The following TCF12 variants were observed in gnomAD, a reference collection of about 807,000 sequenced individuals.
The protein encoded by TCF12 is transcription factor 12, also known as DNA-binding protein HTF4.
TCF12 carries 45 observed loss-of-function variants against 86.0 expected under a neutral mutation model. That is an observed-to-expected ratio of 0.52 (90% confidence interval 0.41 to 0.67). The LOEUF is 0.67. Among genes scored for constraint, TCF12 ranks in the 30% least tolerant of loss-of-function variants. The pLI, the probability that TCF12 is intolerant of heterozygous loss-of-function variation, is 0.00. For missense variants in TCF12, 881 were observed against 859.9 expected, an observed-to-expected ratio of 1.02 and a Z score of -0.31; for synonymous variants, 330 against 299.6, an observed-to-expected ratio of 1.10 and a Z score of -1.05.
chr15:56,929,768 A>G (rs190812199), intron 3 of TCF12, among the ~76,000 whole-genome samples: 16 of 152,256 alleles, frequency 1.1e-4, no homozygotes, highest in Admixed American at 9.8e-4. Flanking sequence ...TTAAAAAACC[A>G]CTACTACCAT....
rs2152128569 is a variant in TCF12, at chr15:57,281,262, C to T, written c.1979-1183C>T. Among the ~76,000 whole-genome samples, 2 of 152,276 alleles carry T rather than the reference C, an allele frequency of 1.3e-5. 1 individual carries two copies. The highest frequency in any genetic ancestry group is 4.1e-4 in the South Asian group (2 of 4,822). Reference sequence around the variant, plus strand: ...TTTGAAAATGCCCGTGTCACAGATCCCACGCAGTCTTGTTTGCTATCTTTT... The same window carrying T: ...TTTGAAAATGCCCGTGTCACAGATCTCACGCAGTCTTGTTTGCTATCTTTT... On this transcript the variant is annotated intron_variant, in intron 19 of 20. Coordinates refer to ENST00000333725, the MANE Select transcript of TCF12 (RefSeq NM_207037.2).
At chr15:57,254,582 A>C (rs1193431718) in intron 16 of TCF12, among the ~76,000 whole-genome samples, 1 of 152,036 alleles carries the variant, frequency 6.6e-6, no homozygotes, top group Non-Finnish European at 1.5e-5. Context: ...AAAATGGGGA[A>C]GTGTCAGATG....
intron 3 of TCF12, among the ~76,000 whole-genome samples, chr15:57,048,125 T>A (rs1022856472): frequency 1.3e-5 from 2 of 152,252 alleles, no homozygotes; most frequent in African/African-American, 4.8e-5. Context: ...ATTAAATTTC[T>A]AAAAATAACA....
At chr15:57,007,681 A>G (rs769101133) in intron 3 of TCF12, among the ~76,000 whole-genome samples, 4 of 152,276 alleles carry the variant, frequency 2.6e-5, no homozygotes, top group Admixed American at 1.3e-4. Flanking sequence ...GACTAATATG[A>G]TAAGTCTGAG....
chr15:57,247,584 C>A, intron 13 of TCF12: 1 of 854,068 alleles, frequency 1.2e-6, no homozygotes, highest in South Asian at 1.3e-5. Flanking sequence ...TCCATAACTT[C>A]TGCGGTTTCA....
chr15:57,069,290 G>A (rs1304787731), intron 4 of TCF12, among the ~76,000 whole-genome samples: 1 of 152,168 alleles, frequency 6.6e-6, no homozygotes, highest in Non-Finnish European at 1.5e-5. Context: ...GTGATCAAGA[G>A]TTGGCATTTT....
chr15:57,255,434 C>G (rs565008005), intron 16 of TCF12, among the ~76,000 whole-genome samples: 1 of 152,162 alleles, frequency 6.6e-6, no homozygotes, highest in African/African-American at 2.4e-5. Flanking sequence ...CTGCCCACTT[C>G]AGAACAACAA....
chr15:57,219,392 A>G (rs2058473262), intron 8 of TCF12: 2 of 1,330,726 alleles, frequency 1.5e-6, no homozygotes, highest in Non-Finnish European at 2.0e-6. Context: ...TATTTTGCAT[A>G]AGTTCCTTTT....
chr15:57,061,659 A>G (rs565211091), intron 3 of TCF12, among the ~76,000 whole-genome samples: 23 of 152,334 alleles, frequency 1.5e-4, no homozygotes, highest in South Asian at 1.2e-3. Flanking sequence ...GTCATTTGAT[A>G]TAAGAAAATA....
At chr15:57,240,282 G>A (rs774983609) in intron 12 of TCF12, among the ~76,000 whole-genome samples, 2 of 152,044 alleles carry the variant, frequency 1.3e-5, no homozygotes, top group Non-Finnish European at 2.9e-5. Context: ...ATTTTACCAT[G>A]GGAAAGGATA....
chr15:57,120,712 A>G (rs1286919596), intron 5 of TCF12, among the ~76,000 whole-genome samples: 5 of 152,162 alleles, frequency 3.3e-5, no homozygotes, highest in Admixed American at 1.3e-4. Flanking sequence ...TCCTTCTCCT[A>G]AAATGTTTTT....
chr15:56,968,363 TG>T (rs1349127868), intron 3 of TCF12, among the ~76,000 whole-genome samples: 60 of 108,492 alleles, frequency 5.5e-4, no homozygotes, highest in Non-Finnish European at 1.0e-3. Flanking sequence ...TACCTTTTTT[TG>T]TTTTTTTTTT....
chr15:56,958,676 A>AGTGTGTGTGTGTGT (rs1324930525), intron 3 of TCF12, among the ~76,000 whole-genome samples: 20 of 92,594 alleles, frequency 2.2e-4, no homozygotes, highest in Admixed American at 4.2e-4. Flanking sequence ...AGAGAGAGAG[A>AGTGTGTGTGTGTGT]GAGTGTGTGT....
intron 5 of TCF12, among the ~76,000 whole-genome samples, chr15:57,119,185 C>G (rs2051049872): frequency 6.6e-6 from 1 of 152,080 alleles, no homozygotes; most frequent in Non-Finnish European, 1.5e-5. Flanking sequence ...CTCCACCTCC[C>G]CAGTTCAAGT....
In TCF12 at chr15:57,093,549, G is replaced by T. The variant is rs373771886; in HGVS notation, c.325+1658G>T. Among the ~76,000 whole-genome samples the T allele has an allele frequency of 1.0e-3, 153 of 152,280 alleles. 2 individuals carry two copies. Among genetic ancestry groups the T allele is most frequent in the Admixed American group, 5.8e-3 (89 of 15,290 alleles). On this transcript the variant is annotated intron_variant, in intron 5 of 20. Transcript: ENST00000333725. ...TAGTACAGCTTTGTACCAAGGTGAC[G>T]ATTAAAATTTTGTACGGGACAAGTG...
At chr15:57,228,526 C>T (rs1408427494) in intron 8 of TCF12, among the ~76,000 whole-genome samples, 1 of 151,926 alleles carries the variant, frequency 6.6e-6, no homozygotes, top group Non-Finnish European at 1.5e-5. Context: ...CTAAAATGTG[C>T]CATTTTCTCC....
chr15:57,160,678 G>T (rs1396154132), intron 5 of TCF12, among the ~76,000 whole-genome samples: 1 of 151,784 alleles, frequency 6.6e-6, no homozygotes, highest in Non-Finnish European at 1.5e-5. Flanking sequence ...GCTTGTGGGG[G>T]TTTTTTTGTT....
intron 3 of TCF12, among the ~76,000 whole-genome samples, chr15:56,930,703 G>T (rs754461917): frequency 9.0e-4 from 130 of 144,332 alleles, no homozygotes; most frequent in Middle Eastern, 3.5e-3. Flanking sequence ...GTATCAGCTA[G>T]TTTTTTTTTT....
chr15:57,006,345 C>A (rs2064370870), intron 3 of TCF12, among the ~76,000 whole-genome samples: 1 of 151,950 alleles, frequency 6.6e-6, no homozygotes, highest in South Asian at 2.1e-4. Context: ...GCTCTTGTCA[C>A]CCAGGCTGGA....
Sources: allele counts gnomAD v4.1 joint callset (sites outside exome capture counted in the v4.1 genomes callset), GRCh38; gene constraint gnomAD v4.1.1; transcripts MANE v1.5; gene names NCBI Gene and HGNC (gene_info 2026-07-23, HGNC 2026-07-21).